Variants in EPB41L2 observed in about 807,000 individuals in gnomAD.
The protein encoded by EPB41L2 is band 4.1-like protein 2.
Under a neutral mutation model 113.0 loss-of-function variants are expected in EPB41L2, and 43 were observed. The observed-to-expected ratio is 0.38, with a 90% CI of 0.30 to 0.49. The LOEUF (loss-of-function observed/expected upper bound fraction) is 0.49, where lower values mean the gene tolerates loss of function less well. Among genes scored for constraint, EPB41L2 ranks in the 20% least tolerant of loss-of-function variants. EPB41L2 has a pLI of 0.95. For synonymous variants in EPB41L2, 442 were observed against 436.7 expected (o/e 1.01, Z -0.15); for missense variants, 1,147 against 1,223.4 (o/e 0.94, Z 0.93).
intron 8 of EPB41L2, among the ~76,000 whole-genome samples, chr6:130,899,117 T>C (rs1795521163): frequency 6.6e-6 from 1 of 151,946 alleles, no homozygotes. Flanking sequence ...GCTAAGGTCT[T>C]CTCTCCTCTC....
Position 130,865,614 on chromosome 6 carries a change from A to G in EPB41L2, c.2751T>C (p.Gly917=). 1.2e-6 allele frequency: 2 copies of G among 1,614,112 alleles called. No homozygotes were observed. The highest frequency in any genetic ancestry group is 1.7e-6 in the Non-Finnish European group (2 of 1,179,992). Residue 917 remains glycine, a synonymous_variant, in exon 17 of 20, where the codon GGT becomes GGC. Coordinates refer to ENST00000337057, the MANE Select transcript of EPB41L2 (RefSeq NM_001431.4). Reference sequence around the variant, plus strand: ...GTGCGGTCAGTAACGTGCCCGAATCACCACCAGCCCCGCCATCAATCTTTG... The same window carrying G: ...GTGCGGTCAGTAACGTGCCCGAATCGCCACCAGCCCCGCCATCAATCTTTG... ...ESPQIDGGAG[G]DSGTLLTAQT...
chr6:130,845,085 T>G (rs1331159786), intron 19 of EPB41L2, among the ~76,000 whole-genome samples: 2 of 152,180 alleles, frequency 1.3e-5, no homozygotes, highest in Non-Finnish European at 2.9e-5. Flanking sequence ...GAGCCAAAAA[T>G]GCAAGCATGC....
At chr6:130,942,155 T>G (rs1332364933) in intron 3 of EPB41L2, among the ~76,000 whole-genome samples, 1 of 152,238 alleles carries the variant, frequency 6.6e-6, no homozygotes, top group African/African-American at 2.4e-5. Context: ...TGATAAATTC[T>G]GTCCATGTTT....
intron 3 of EPB41L2, among the ~76,000 whole-genome samples, chr6:130,944,412 A>C (rs571350656): frequency 6.6e-6 from 1 of 152,296 alleles, no homozygotes; most frequent in East Asian, 1.9e-4. Context: ...GAGAGAGAAG[A>C]AAGTTATTTT....
chr6:130,896,306 C>T (rs994063394), intron 8 of EPB41L2, among the ~76,000 whole-genome samples: 4 of 152,346 alleles, frequency 2.6e-5, no homozygotes, highest in Non-Finnish European at 4.4e-5. Context: ...CAATCAATTG[C>T]TTTACTCACC....
intron 19 of EPB41L2, among the ~76,000 whole-genome samples, chr6:130,845,106 T>C (rs1238625305): frequency 6.6e-6 from 1 of 152,226 alleles, no homozygotes; most frequent in Non-Finnish European, 1.5e-5. Context: ...TAAATTTCCA[T>C]TTGGTTAAAC....
chr6:130,958,809 G>A (rs1818382359), intron 1 of EPB41L2, among the ~76,000 whole-genome samples: 1 of 152,174 alleles, frequency 6.6e-6, no homozygotes, highest in African/African-American at 2.4e-5. Context: ...AAGATTTTGT[G>A]TTATTTTAAA....
At chr6:131,043,681 A>G (rs1394942550) in intron 1 of EPB41L2, among the ~76,000 whole-genome samples, 1 of 152,254 alleles carries the variant, frequency 6.6e-6, no homozygotes, top group Non-Finnish European at 1.5e-5. Flanking sequence ...CCTGATTCAA[A>G]TAAGAGACTA....
chr6:130,866,314 A>G (rs932441630), intron 16 of EPB41L2, among the ~76,000 whole-genome samples: 6 of 152,258 alleles, frequency 3.9e-5, no homozygotes, highest in African/African-American at 1.2e-4. Flanking sequence ...TCCAAGGGGA[A>G]TCAATGAAGC....
chr6:131,047,806 AAAG>A (rs141230357), intron 1 of EPB41L2, among the ~76,000 whole-genome samples: 3,971 of 152,296 alleles, frequency 0.026, 190 homozygotes, highest in African/African-American at 0.091. Context: ...ACGTTAGGCA[AAAG>A]AAGGGAAGAA....
intron 4 of EPB41L2, among the ~76,000 whole-genome samples, chr6:130,912,641 G>C (rs1486640469): frequency 6.6e-6 from 1 of 152,184 alleles, no homozygotes; most frequent in Non-Finnish European, 1.5e-5. Context: ...TGAGGGAGCA[G>C]CTCTAATTAC....
intron 1 of EPB41L2, among the ~76,000 whole-genome samples, chr6:131,036,252 A>T (rs995067374): frequency 1.3e-5 from 2 of 152,206 alleles, no homozygotes; most frequent in African/African-American, 2.4e-5. Flanking sequence ...TCAAAAATAT[A>T]TAGCTGTATA....
At position 130,885,266 on chromosome 6, in the gene EPB41L2, G is replaced by T. The variant is rs540854380; in HGVS notation, c.1663C>A (p.Pro555Thr). The change falls in exon 12 of 20, where the codon CCG becomes ACG. Residue 555 changes from proline to threonine, a missense_variant and splice_region_variant. Transcript: ENST00000337057. ...AGACTTTGGTCCATGACACCAATCG[G>T]AGCTAGTAAAGAGTGACAATTTTGG... ...KRVSRSLDGA[P>T]IGVMDQSLMK... 1 of 1,614,032 alleles carries T rather than the reference G, an allele frequency of 6.2e-7. No homozygotes were observed. Among genetic ancestry groups the T allele is most frequent in the East Asian group, 2.2e-5 (1 of 44,874 alleles).
intron 3 of EPB41L2, among the ~76,000 whole-genome samples, chr6:130,945,486 T>C (rs1009276751): frequency 7.2e-5 from 11 of 152,302 alleles, no homozygotes; most frequent in African/African-American, 2.4e-4. Flanking sequence ...AACAATGCCC[T>C]TGATTCTCAG....
chr6:130,970,551 A>G (rs1262947164), intron 1 of EPB41L2: 1 of 152,242 alleles, frequency 6.6e-6, no homozygotes, highest in Admixed American at 6.5e-5. Context: ...CCTTCGGCAT[A>G]GAAACCAGTT....
chr6:130,898,359 G>A (rs542261378), intron 8 of EPB41L2, among the ~76,000 whole-genome samples: 2 of 152,160 alleles, frequency 1.3e-5, no homozygotes, highest in South Asian at 4.2e-4. Flanking sequence ...CATTGTGTGG[G>A]GAGCTTTCCT....
chr6:130,946,520 G>A (rs527927120), intron 3 of EPB41L2, among the ~76,000 whole-genome samples: 10 of 152,028 alleles, frequency 6.6e-5, no homozygotes, highest in Non-Finnish European at 1.3e-4. Flanking sequence ...TACTGTATTG[G>A]TTCCTTGGAC....
Position 130,904,593 on chromosome 6 carries a change from T to C in EPB41L2, c.854-53A>G, listed in dbSNP as rs1447390708. The C allele has an allele frequency of 1.9e-5, 24 of 1,247,218 alleles. 2 individuals carry two copies. In the South Asian group the frequency reaches 2.5e-4, roughly 13 times the overall value. 77.3% of individuals were successfully genotyped at this position (1,247,218 alleles called of 1,614,324 possible). ...CACCCAATTAACAGAAGAATGACTATTGTGATAAAATTTAAAGGTCAAGGA... is the reference window on the plus strand; with the variant it reads ...CACCCAATTAACAGAAGAATGACTACTGTGATAAAATTTAAAGGTCAAGGA... On this transcript the variant is annotated intron_variant, in intron 5 of 19. Transcript: ENST00000337057.
intron 4 of EPB41L2, among the ~76,000 whole-genome samples, chr6:130,911,122 A>G (rs1799254804): frequency 6.6e-6 from 1 of 152,234 alleles, no homozygotes; most frequent in African/African-American, 2.4e-5. Context: ...CTTGGAACCA[A>G]CTCAAATGCC....
Sources: gnomAD v4.1 joint callset for allele counts (sites outside exome capture counted in the v4.1 genomes callset) on GRCh38, gnomAD v4.1.1 for gene constraint, MANE v1.5 for transcripts, NCBI Gene and HGNC (gene_info 2026-07-23, HGNC 2026-07-21) for gene names.